The following TBCCD1 variants were observed in gnomAD, a reference collection of about 807,000 sequenced individuals.
The protein encoded by TBCCD1 is TBCC domain-containing protein 1.
Under a neutral mutation model 53.4 loss-of-function variants are expected in TBCCD1, and 26 were observed. The observed-to-expected ratio is 0.49, with a 90% CI of 0.36 to 0.68. The LOEUF is 0.68. TBCCD1 is among the 30% of genes least tolerant of loss of function. The pLI is 0.00. For synonymous variants in TBCCD1, 245 were observed against 241.7 expected, an observed-to-expected ratio of 1.01 and a Z score of -0.13; for missense variants, 558 against 669.5, an observed-to-expected ratio of 0.83 and a Z score of 1.84.
intron 6 of TBCCD1, 104 bp downstream of exon 6, chr3:186,554,150 A>G: frequency 1.3e-6 from 2 of 1,528,262 alleles, no homozygotes; most frequent in Non-Finnish European, 1.8e-6. Context: ...GCCCAGCCTT[A>G]CATTTTTTAT....
chr3:186,569,994 A>G, upstream of TBCCD1: 1 of 599,794 alleles, frequency 1.7e-6, no homozygotes, highest in Non-Finnish European at 3.1e-6. Flanking sequence ...CCGATGATTT[A>G]CCGATTTTTT....
chr3:186,560,247 CTA>C (rs913658337), intron 2 of TBCCD1, among the ~76,000 whole-genome samples: 32 of 152,186 alleles, frequency 2.1e-4, no homozygotes, highest in African/African-American at 7.5e-4. Flanking sequence ...TTATTCATCT[CTA>C]TATGCCCAGC....
intron 4 of TBCCD1, among the ~76,000 whole-genome samples, chr3:186,555,433 T>C (rs1208195343): frequency 6.6e-6 from 1 of 152,164 alleles, no homozygotes; most frequent in Non-Finnish European, 1.5e-5. Flanking sequence ...TCAAATATCT[T>C]CTCCTCCAAG....
intron 1 of TBCCD1, among the ~76,000 whole-genome samples, chr3:186,566,517 T>C (rs1714836516): frequency 6.6e-6 from 1 of 151,920 alleles, no homozygotes; most frequent in African/African-American, 2.4e-5. Context: ...GAAAAAAAAA[T>C]GAGGCTTAGC....
At chr3:186,556,122 G>A (rs1361251330) in intron 4 of TBCCD1, among the ~76,000 whole-genome samples, 1 of 151,852 alleles carries the variant, frequency 6.6e-6, no homozygotes, top group East Asian at 1.9e-4. Context: ...TATTACATAC[G>A]TTTACTTTTA....
upstream of TBCCD1, among the ~76,000 whole-genome samples, chr3:186,569,282 G>A (rs1473894261): frequency 6.8e-6 from 1 of 148,080 alleles, no homozygotes. Context: ...TTTTAAACAG[G>A]GGAGTGACAT....
At chr3:186,562,506 G>C (rs1360710674) in intron 2 of TBCCD1, among the ~76,000 whole-genome samples, 1 of 152,118 alleles carries the variant, frequency 6.6e-6, no homozygotes, top group Admixed American at 6.6e-5. Context: ...ACAGACAGAA[G>C]GGTGACTGAC....
Position 186,556,771 on chromosome 3 carries a change from C to T in TBCCD1, c.497G>A (p.Trp166Ter). 1.2e-6 allele frequency: 2 copies of T among 1,606,236 alleles called. No individual in the cohort carries two copies. Among genetic ancestry groups the T allele is most frequent in the Non-Finnish European group, 1.7e-6 (2 of 1,178,340 alleles). ...TEKSNCHNKN[W>*]NDYSHQAFVY... ...AAAAGCTTGGTGACTGTAATCATTC[C>T]AGTTCTAAAAAAAAGTTAAAAGAAA... The change falls in exon 4 of 8, where the codon TGG becomes TAG. Residue 166 changes from tryptophan to a stop codon, truncating the protein, a stop_gained. Coordinates refer to ENST00000338733, the MANE Select transcript of TBCCD1 (RefSeq NM_018138.5). LOFTEE classifies it high-confidence loss of function.
chr3:186,569,300 C>CTTT (rs1714935636), upstream of TBCCD1, among the ~76,000 whole-genome samples: 1 of 114,940 alleles, frequency 8.7e-6, no homozygotes, highest in African/African-American at 4.2e-5. Context: ...CATGATTTGA[C>CTTT]TTTTATTTTT....
In TBCCD1 at chr3:186,556,785, A is replaced by G. The variant is rs754667604; in HGVS notation, c.493-10T>C. The G allele has an allele frequency of 6.2e-6, 10 of 1,602,616 alleles. No homozygotes were observed. In the Admixed American group the frequency reaches 8.8e-5, roughly 14 times the overall value. ...TGTAATCATTCCAGTTCTAAAAAAA[A>G]GTTAAAAGAAAGCACTCTTAATAAA... On this transcript the variant is annotated splice_polypyrimidine_tract_variant and intron_variant, in intron 3 of 7. Coordinates refer to ENST00000338733, the MANE Select transcript of TBCCD1 (RefSeq NM_018138.5).
At chr3:186,570,005 T>C (rs956341840), upstream of TBCCD1, 3 of 595,354 alleles carry the variant, frequency 5.0e-6, no homozygotes, top group South Asian at 5.7e-5. Flanking sequence ...CCGATTTTTT[T>C]CCCTGTTAAA....
At chr3:186,558,075 G>T (rs1267155808) in intron 3 of TBCCD1, among the ~76,000 whole-genome samples, 2 of 152,108 alleles carry the variant, frequency 1.3e-5, no homozygotes, top group Non-Finnish European at 2.9e-5. Flanking sequence ...GATTTCAAAA[G>T]ATTTTGCAAG....
At chr3:186,548,407 A>AT (rs1200629505) in intron 7 of TBCCD1, among the ~76,000 whole-genome samples, 1 of 152,224 alleles carries the variant, frequency 6.6e-6, no homozygotes, top group Non-Finnish European at 1.5e-5. Flanking sequence ...TACGAGCTTT[A>AT]TTTTGAAGGT....
intron 2 of TBCCD1, among the ~76,000 whole-genome samples, chr3:186,560,479 T>C (rs1020750569): frequency 2.6e-5 from 4 of 152,352 alleles, no homozygotes; most frequent in African/African-American, 2.4e-5. Flanking sequence ...GAGTTAGATA[T>C]GGCATAAATG....
chr3:186,547,531 G>C (rs757249778), intron 7 of TBCCD1, among the ~76,000 whole-genome samples: 7 of 151,248 alleles, frequency 4.6e-5, no homozygotes, highest in Non-Finnish European at 8.8e-5. Flanking sequence ...GCTGGGATTA[G>C]AGACATAGGC....
At chr3:186,551,437 C>T (rs1481635397) in intron 6 of TBCCD1, among the ~76,000 whole-genome samples, 158 bp from the exon 7 acceptor site, 2 of 152,174 alleles carry the variant, frequency 1.3e-5, no homozygotes, top group Non-Finnish European at 2.9e-5. Flanking sequence ...TGGACACCCC[C>T]ACCCCACAAA....
chr3:186,551,762 G>C (rs921562791), intron 6 of TBCCD1, among the ~76,000 whole-genome samples: 1 of 152,190 alleles, frequency 6.6e-6, no homozygotes, highest in African/African-American at 2.4e-5. Flanking sequence ...ATCGCTTGAG[G>C]CCAGGAGTTC....
At chr3:186,568,847 G>A (rs1229492055), upstream of TBCCD1, among the ~76,000 whole-genome samples, 1 of 150,352 alleles carries the variant, frequency 6.7e-6, no homozygotes, top group Non-Finnish European at 1.5e-5. Flanking sequence ...AGGTTGCAGT[G>A]AGCCAAGATC....
At chr3:186,548,890 T>A (rs1714287012) in intron 7 of TBCCD1, among the ~76,000 whole-genome samples, 1 of 152,036 alleles carries the variant, frequency 6.6e-6, no homozygotes. Flanking sequence ...CTATGTGAGG[T>A]TCTAATGTTA....
Sources: gnomAD v4.1 joint callset for allele counts (sites outside exome capture counted in the v4.1 genomes callset) on GRCh38, gnomAD v4.1.1 for gene constraint, MANE v1.5 for transcripts, NCBI Gene and HGNC (gene_info 2026-07-23, HGNC 2026-07-21) for gene names.